The following SVEP1 variants were observed in gnomAD, a reference collection of about 807,000 sequenced individuals.
SVEP1 encodes the protein sushi, von Willebrand factor type A, EGF and pentraxin domain-containing protein 1.
SVEP1 carries 164 observed loss-of-function variants against 367.3 expected under a neutral mutation model. The ratio of observed to expected loss-of-function variants is 0.45; its 90% CI spans 0.39 to 0.51. The LOEUF is 0.51. SVEP1 is among the 20% of genes least tolerant of loss of function. The pLI is 0.00. For missense variants in SVEP1, 4,117 were observed against 4,425.3 expected, an observed-to-expected ratio of 0.93 and a Z score of 1.98; for synonymous variants, 1,666 against 1,611.6, an observed-to-expected ratio of 1.03 and a Z score of -0.81.
chr9:110,560,601 T>G (rs546263078), intron 1 of SVEP1, among the ~76,000 whole-genome samples: 8 of 152,130 alleles, frequency 5.3e-5, no homozygotes, highest in African/African-American at 7.2e-5. Context: ...AGTGGCCCAG[T>G]ATACACCTCT....
At chr9:110,434,588 T>C (rs1466083898) in intron 29 of SVEP1, 82 bp from the exon 30 acceptor site, 3 of 1,364,456 alleles carry the variant, frequency 2.2e-6, no homozygotes, top group Non-Finnish European at 2.9e-6. Flanking sequence ...AACTGTATTC[T>C]GTATCAGCAT....
chr9:110,550,054 G>A lies in SVEP1; in HGVS notation c.582C>T (p.Ile194=), dbSNP rs571656709. 6 of 1,613,872 alleles carry A rather than the reference G, an allele frequency of 3.7e-6. No homozygotes were observed. Among genetic ancestry groups the A allele is most frequent in the Non-Finnish European group, 5.1e-6 (6 of 1,179,882 alleles). ...CTCCCCCATTGGAATATCCATCAGT[G>A]ATGAGAAATACAACTTTTGTTGAGT... is the stretch of plus-strand genomic sequence containing the variant. ...RENSTKVVFL[I]TDGYSNGGDP... Residue 194 remains isoleucine (I), a synonymous_variant, in exon 2 of 48, where the codon ATC becomes ATT. Coordinates refer to ENST00000374469, the MANE Select transcript of SVEP1 (RefSeq NM_153366.4).
intron 1 of SVEP1, among the ~76,000 whole-genome samples, chr9:110,552,686 C>T (rs1931305): frequency 0.1 from 15,774 of 152,030 alleles, 1,014 homozygotes; most frequent in East Asian, 0.31. Flanking sequence ...TGCCGCTGAT[C>T]TGACCGAAGG....
chr9:110,404,597 A>T (rs1006647650), intron 38 of SVEP1, 45 bp from the exon 39 acceptor site: 8 of 1,545,782 alleles, frequency 5.2e-6, no homozygotes, highest in Middle Eastern at 1.7e-4. Flanking sequence ...GAAGTACAAT[A>T]TAGTTTCTGA....
chr9:110,456,723 T>C (rs1416071972), intron 21 of SVEP1, among the ~76,000 whole-genome samples: 1 of 152,216 alleles, frequency 6.6e-6, no homozygotes, highest in Non-Finnish European at 1.5e-5. Context: ...GTTTCTGGAC[T>C]TAAGTCAAAT....
chr9:110,510,752 TAATATTTCCCATCCTCTACCGTAA>T, intron 5 of SVEP1, among the ~76,000 whole-genome samples: 1 of 152,246 alleles, frequency 6.6e-6, no homozygotes, highest in Non-Finnish European at 1.5e-5. Context: ...AGTTAAAATG[TAATATTTCCCATCCTCTACCGTAA>T]GGTATTTGGA....
chr9:110,388,895 G>T (rs1341113613), intron 41 of SVEP1, among the ~76,000 whole-genome samples: 1 of 152,156 alleles, frequency 6.6e-6, no homozygotes, highest in Non-Finnish European at 1.5e-5. Flanking sequence ...CTTGAGCCCG[G>T]GAAGTGGAGG....
intron 3 of SVEP1, among the ~76,000 whole-genome samples, chr9:110,526,737 TAGCAGCTTTATTC>T (rs1221821863): frequency 6.6e-6 from 1 of 152,158 alleles, no homozygotes; most frequent in African/African-American, 2.4e-5. Flanking sequence ...CAAATGTGTA[TAGCAGCTTTATTC>T]ATAAAAGCCA....
intron 3 of SVEP1, among the ~76,000 whole-genome samples, chr9:110,537,350 A>G (rs1010220318): frequency 6.6e-6 from 1 of 152,158 alleles, no homozygotes; most frequent in South Asian, 2.1e-4. Context: ...CATCTTATTA[A>G]GAAGTGAATT....
chr9:110,443,809 C>G, intron 26 of SVEP1, 89 bp from the exon 27 acceptor site: 1 of 1,210,968 alleles, frequency 8.3e-7, no homozygotes, highest in Non-Finnish European at 1.1e-6. Flanking sequence ...TCTTCTTTTT[C>G]TTTTTTTGTG....
At chr9:110,374,584 A>AGGTTTCAG (rs2118942431) in intron 46 of SVEP1, among the ~76,000 whole-genome samples, 1 of 152,308 alleles carries the variant, frequency 6.6e-6, no homozygotes, top group African/African-American at 2.4e-5. Flanking sequence ...TGGGAGGCAG[A>AGGTTTCAG]GGTTTCAGTG....
chr9:110,555,452 G>T (rs1830344891), intron 1 of SVEP1, among the ~76,000 whole-genome samples: 1 of 152,112 alleles, frequency 6.6e-6, no homozygotes, highest in Non-Finnish European at 1.5e-5. Context: ...GTACACCAAA[G>T]ATAAAATTAT....
chr9:110,412,756 A>C (rs1357243721), intron 36 of SVEP1, among the ~76,000 whole-genome samples: 2 of 152,248 alleles, frequency 1.3e-5, no homozygotes, highest in African/African-American at 4.8e-5. Flanking sequence ...TTCTCAAAAG[A>C]AGACATTTAT....
chr9:110,540,424 A>T (rs1198520233), intron 3 of SVEP1, among the ~76,000 whole-genome samples: 1 of 152,152 alleles, frequency 6.6e-6, no homozygotes, highest in Non-Finnish European at 1.5e-5. Flanking sequence ...TAAATGAAAC[A>T]GAGTTATGTA....
In SVEP1 at chr9:110,436,403, C is replaced by T; in HGVS notation, c.4741G>A (p.Asp1581Asn). The change falls in exon 28 of 48, where the codon GAC becomes AAC. Residue 1581 changes from aspartate (D) to asparagine (N), a missense_variant. By Grantham distance (23) the Asp-to-Asn change is conservative. This residue lies in a region of SVEP1 where 2,174 missense variants were observed against 2,494.3 expected (regional missense o/e 0.87). Coordinates refer to ENST00000374469, the MANE Select transcript of SVEP1 (RefSeq NM_153366.4). ...ACCTGCTGTGGAGACAGGACATAGT[C>T]CCAGAGGTTGAGCTGGCTTATGGAG... ...VGSISQLNLW[D>N]YVLSPQQVKS... The T allele has an allele frequency of 6.2e-7, 1 of 1,613,924 alleles. No homozygotes were observed. Among genetic ancestry groups the T allele is most frequent in the Non-Finnish European group, 8.5e-7 (1 of 1,179,864 alleles).
At chr9:110,404,868 TAAAC>T (rs1321319456) in intron 38 of SVEP1, among the ~76,000 whole-genome samples, 1 of 151,832 alleles carries the variant, frequency 6.6e-6, no homozygotes, top group South Asian at 2.1e-4. Flanking sequence ...CTATAAAAAA[TAAAC>T]AAAATTAGCT....
At chr9:110,469,961 A>C (rs1828990477) in intron 16 of SVEP1, among the ~76,000 whole-genome samples, 1 of 152,230 alleles carries the variant, frequency 6.6e-6, no homozygotes, top group African/African-American at 2.4e-5. Flanking sequence ...GTCACACTAT[A>C]AAAAACCCAA....
intron 1 of SVEP1, among the ~76,000 whole-genome samples, chr9:110,553,327 C>T (rs1018263494): frequency 2.0e-5 from 3 of 152,142 alleles, no homozygotes; most frequent in Admixed American, 6.5e-5. Context: ...GATGTGCCTA[C>T]GTGAGGTTTC....
chr9:110,532,191 A>T (rs1319481483), intron 3 of SVEP1, among the ~76,000 whole-genome samples: 2 of 152,206 alleles, frequency 1.3e-5, no homozygotes, highest in Non-Finnish European at 2.9e-5. Flanking sequence ...AGGAGAGGCT[A>T]TAAAAAAATA....
Sources: allele counts gnomAD v4.1 joint callset (sites outside exome capture counted in the v4.1 genomes callset), GRCh38; gene constraint gnomAD v4.1.1; regional missense constraint gnomAD v4.1.1; transcripts MANE v1.5; gene names NCBI Gene and HGNC (gene_info 2026-07-23, HGNC 2026-07-21).